Variants in TNFSF4 observed in about 807,000 individuals in gnomAD.
The protein encoded by TNFSF4 is tumor necrosis factor ligand superfamily member 4.
TNFSF4 carries 4 observed loss-of-function variants against 7.3 expected under a neutral mutation model. That is an observed-to-expected ratio of 0.55 (90% CI 0.27 to 1.25). The LOEUF is 1.25. Among genes scored for constraint, TNFSF4 ranks in the 50% most tolerant of loss-of-function variants. TNFSF4 has a pLI of 0.12. For missense variants in TNFSF4, 181 were observed against 208.8 expected (o/e 0.87, Z 0.82); for synonymous variants, 76 against 83.7 (o/e 0.91, Z 0.50).
the TNFSF4 span, among the ~76,000 whole-genome samples, chr1:173,386,682 G>A: frequency 6.8e-4 from 104 of 152,262 alleles, 2 homozygotes; most frequent in African/African-American, 2.2e-3. Context: ...ACATCAGCCT[G>A]AGAGAGCTGC....
At chr1:173,279,652 A>C in the TNFSF4 span, among the ~76,000 whole-genome samples, 3 of 152,128 alleles carry the variant, frequency 2.0e-5, no homozygotes, top group Non-Finnish European at 4.4e-5. Flanking sequence ...TCAAGTCAGA[A>C]ACTTGGCAAT....
chr1:173,359,476 AAG>A, the TNFSF4 span, among the ~76,000 whole-genome samples: 3,043 of 85,184 alleles, frequency 0.036, 88 homozygotes, highest in African/African-American at 0.082. Flanking sequence ...GAAAAGAAAA[AAG>A]AAAAATTCAA....
the TNFSF4 span, among the ~76,000 whole-genome samples, chr1:173,412,111 T>C: frequency 3.6e-5 from 4 of 110,812 alleles, no homozygotes; most frequent in African/African-American, 9.6e-5. Flanking sequence ...CAAGATTCCA[T>C]CTCAAGAAAA....
At chr1:173,432,125 G>C in the TNFSF4 span, among the ~76,000 whole-genome samples, 1 of 152,194 alleles carries the variant, frequency 6.6e-6, no homozygotes, top group African/African-American at 2.4e-5. Context: ...TGTGAAGCAA[G>C]ACACATCACT....
chr1:173,339,237 C>T, the TNFSF4 span, among the ~76,000 whole-genome samples: 4 of 152,016 alleles, frequency 2.6e-5, no homozygotes. Flanking sequence ...TTTTAATTAG[C>T]TGGGCATGGT....
At chr1:173,236,967 C>T in the TNFSF4 span, among the ~76,000 whole-genome samples, 1 of 152,182 alleles carries the variant, frequency 6.6e-6, no homozygotes, top group African/African-American at 2.4e-5. Flanking sequence ...ATAATCCCCA[C>T]ATGTCAAGGG....
the TNFSF4 span, among the ~76,000 whole-genome samples, chr1:173,319,832 C>A: frequency 9.2e-5 from 14 of 152,138 alleles, no homozygotes; most frequent in Non-Finnish European, 1.5e-4. Flanking sequence ...GACCCCCCCA[C>A]AAAAACCCCA....
the TNFSF4 span, among the ~76,000 whole-genome samples, chr1:173,239,129 C>T: frequency 6.6e-6 from 1 of 152,200 alleles, no homozygotes; most frequent in Non-Finnish European, 1.5e-5. Context: ...AGAAATGCAA[C>T]TTTCCCTTTC....
At chr1:173,394,116 T>C in the TNFSF4 span, among the ~76,000 whole-genome samples, 11 of 151,116 alleles carry the variant, frequency 7.3e-5, no homozygotes, top group Non-Finnish European at 1.6e-4. Flanking sequence ...GGCACAGTGG[T>C]GCATGCCTGT....
the TNFSF4 span, among the ~76,000 whole-genome samples, chr1:173,299,796 C>A: frequency 6.6e-6 from 1 of 151,744 alleles, no homozygotes; most frequent in Non-Finnish European, 1.5e-5. Context: ...TTCCACCTGC[C>A]CCCAACATGT....
the TNFSF4 span, among the ~76,000 whole-genome samples, chr1:173,280,886 A>C: frequency 6.6e-6 from 1 of 152,122 alleles, no homozygotes; most frequent in Non-Finnish European, 1.5e-5. Context: ...TTCATTGTAC[A>C]TGGATTTTAT....
At chr1:173,418,664 G>T in the TNFSF4 span, 2 of 151,628 alleles carry the variant, frequency 1.3e-5, no homozygotes, top group East Asian at 3.9e-4. Flanking sequence ...AATCATCATA[G>T]TCCAAAATGA....
intron 1 of TNFSF4, among the ~76,000 whole-genome samples, chr1:173,204,723 C>A (rs76424294): frequency 0.02 from 3,095 of 152,044 alleles, 108 homozygotes; most frequent in African/African-American, 0.071. Flanking sequence ...TTTGACTTGC[C>A]TCATCACTAC....
chr1:173,437,097 C>T, the TNFSF4 span, among the ~76,000 whole-genome samples: 1 of 152,132 alleles, frequency 6.6e-6, no homozygotes, highest in African/African-American at 2.4e-5. Flanking sequence ...TGTATTGTCA[C>T]ACATCGTAAC....
the TNFSF4 span, among the ~76,000 whole-genome samples, chr1:173,286,625 T>TA: frequency 6.6e-6 from 1 of 152,086 alleles, no homozygotes. Context: ...ACGTGAAAGT[T>TA]AAAACAATAA....
At chr1:173,232,740 T>C in the TNFSF4 span, among the ~76,000 whole-genome samples, 2 of 152,192 alleles carry the variant, frequency 1.3e-5, no homozygotes, top group Non-Finnish European at 2.9e-5. Context: ...GTGGTTTTTG[T>C]CTTTGGTTCT....
the TNFSF4 span, among the ~76,000 whole-genome samples, chr1:173,333,448 C>T: frequency 1.3e-5 from 2 of 152,040 alleles, no homozygotes; most frequent in Admixed American, 1.3e-4. Context: ...TGTTGGTATC[C>T]CCCAAAACTC....
At chr1:173,294,615 A>C in the TNFSF4 span, among the ~76,000 whole-genome samples, 1 of 152,084 alleles carries the variant, frequency 6.6e-6, no homozygotes, top group Non-Finnish European at 1.5e-5. Flanking sequence ...AAGTAAAAAC[A>C]AAACAAACCC....
the TNFSF4 span, among the ~76,000 whole-genome samples, chr1:173,343,033 G>A: frequency 1.3e-5 from 2 of 152,314 alleles, no homozygotes; most frequent in South Asian, 2.1e-4. Context: ...GAAGGAATCA[G>A]ACCAAATTAG....
Sources: gnomAD v4.1 joint callset for allele counts (sites outside exome capture counted in the v4.1 genomes callset) on GRCh38, gnomAD v4.1.1 for gene constraint, MANE v1.5 for transcripts, NCBI Gene and HGNC (gene_info 2026-07-23, HGNC 2026-07-21) for gene names.